The following MAP4K3 variants were observed in gnomAD, a reference collection of about 807,000 sequenced individuals.
The protein encoded by MAP4K3 is MAPK/ERK kinase kinase kinase 3.
A neutral mutation model predicts 143.5 loss-of-function variants in MAP4K3; 94 were observed. The ratio of observed to expected loss-of-function variants is 0.65; its 90% CI spans 0.55 to 0.78. The LOEUF is 0.78. Among genes scored for constraint, MAP4K3 ranks in the 30% least tolerant of loss-of-function variants. The pLI is 0.00. For synonymous variants in MAP4K3, 416 were observed against 347.2 expected, an observed-to-expected ratio of 1.20 and a Z score of -2.20; for missense variants, 1,077 against 1,068.1, an observed-to-expected ratio of 1.01 and a Z score of -0.12.
At chr2:39,396,065 C>G (rs899551761) in intron 1 of MAP4K3, among the ~76,000 whole-genome samples, 2 of 152,062 alleles carry the variant, frequency 1.3e-5, no homozygotes, top group Non-Finnish European at 2.9e-5. Flanking sequence ...GAGACAAGAT[C>G]TCACTCTGTT....
chr2:39,357,055 T>TGCAGAATGGGAC (rs945344236), intron 2 of MAP4K3, among the ~76,000 whole-genome samples: 6 of 152,334 alleles, frequency 3.9e-5, no homozygotes, highest in Admixed American at 2.0e-4. Context: ...TGTGTTATAA[T>TGCAGAATGGGAC]GCAGAATGGG....
intron 31 of MAP4K3, among the ~76,000 whole-genome samples, chr2:39,256,313 A>C (rs1483503989): frequency 6.6e-6 from 1 of 152,240 alleles, no homozygotes; most frequent in Non-Finnish European, 1.5e-5. Context: ...GACAATAATG[A>C]AATGTGATAA....
At chr2:39,325,289 C>T (rs1466263157) in intron 12 of MAP4K3, among the ~76,000 whole-genome samples, 2 of 152,096 alleles carry the variant, frequency 1.3e-5, no homozygotes, top group African/African-American at 2.4e-5. Flanking sequence ...AAATGATATG[C>T]CTTTGCCATT....
At chr2:39,407,652 G>A (rs988288289) in intron 1 of MAP4K3, among the ~76,000 whole-genome samples, 1 of 152,122 alleles carries the variant, frequency 6.6e-6, no homozygotes, top group Non-Finnish European at 1.5e-5. Context: ...GATCACTGCA[G>A]CCTCAACCTC....
In MAP4K3 at chr2:39,344,554, G is replaced by A. The variant is rs146786376; in HGVS notation, c.246-1102C>T. Among the ~76,000 whole-genome samples, 126 of 152,266 alleles carry A rather than the reference G, an allele frequency of 8.3e-4. No homozygotes were observed. The East Asian group carries it at 0.014, about 17-fold the overall frequency. ...CACGCTAGAACAGAAGAGCTTAGTC[G>A]TGGTGACAGAGACCATGTAGCCCAC... On this transcript the variant is annotated intron_variant, in intron 3 of 33. Coordinates refer to ENST00000263881, the MANE Select transcript of MAP4K3 (RefSeq NM_003618.4).
At chr2:39,347,119 T>G (rs1665315410) in intron 3 of MAP4K3, among the ~76,000 whole-genome samples, 1 of 152,150 alleles carries the variant, frequency 6.6e-6, no homozygotes, top group African/African-American at 2.4e-5. Flanking sequence ...ACAATGGAGT[T>G]TTCCAGAGAC....
chr2:39,359,651 A>T (rs578236553), intron 2 of MAP4K3, among the ~76,000 whole-genome samples: 12 of 152,380 alleles, frequency 7.9e-5, no homozygotes, highest in African/African-American at 2.9e-4. Context: ...CTGGACATCC[A>T]GGTATTTCCA....
chr2:39,435,786 A>G (rs1385495305), intron 1 of MAP4K3, among the ~76,000 whole-genome samples: 4 of 152,222 alleles, frequency 2.6e-5, no homozygotes, highest in Non-Finnish European at 5.9e-5. Flanking sequence ...TATATTGCAT[A>G]GTAGGAAAAG....
Position 39,381,007 on chromosome 2 carries a change from T to C in MAP4K3, c.97-2884A>G, listed in dbSNP as rs112037545. On this transcript the variant is annotated intron_variant, in intron 1 of 33. Transcript: ENST00000263881. ...ACTCTCAATCCCTGGCAACCACTAA[T>C]CTACTTTCCATCTCTATGGATTTGA... Among the ~76,000 whole-genome samples the C allele has an allele frequency of 1.2e-3, 185 of 152,316 alleles. 2 individuals carry two copies. The highest frequency in any genetic ancestry group is 4.3e-3 in the African/African-American group (179 of 41,574).
Position 39,260,794 on chromosome 2 carries a change from A to G in MAP4K3, c.2137-17T>C. 1 of 1,562,252 alleles carries G rather than the reference A, an allele frequency of 6.4e-7. No individual in the cohort carries two copies. The highest frequency in any genetic ancestry group is 8.8e-7 in the Non-Finnish European group (1 of 1,139,028). ...ATCTATGTGCTAGAGAAAGAAACAA[A>G]AATACATTAAACCAAGGAAAATAAA... is the stretch of plus-strand genomic sequence containing the variant. On this transcript the variant is annotated splice_polypyrimidine_tract_variant and intron_variant, in intron 28 of 33. Transcript: ENST00000263881.
intron 1 of MAP4K3, among the ~76,000 whole-genome samples, chr2:39,389,619 G>A (rs1666599045): frequency 6.6e-6 from 1 of 152,164 alleles, no homozygotes; most frequent in South Asian, 2.1e-4. Flanking sequence ...CAGAAAGACT[G>A]TAGAAAATGC....
chr2:39,303,105 T>C (rs769722787), intron 15 of MAP4K3: 1 of 167,054 alleles, frequency 6.0e-6, no homozygotes, highest in African/African-American at 2.4e-5. Flanking sequence ...GTCAATAGAA[T>C]TGATACAGTT....
At position 39,278,392 on chromosome 2, in the gene MAP4K3, T is replaced by C. The variant is rs1219169271; in HGVS notation, c.1794+15A>G. 7.4e-6 allele frequency: 11 copies of C among 1,480,262 alleles called. No individual in the cohort carries two copies. Among genetic ancestry groups the C allele is most frequent in the Middle Eastern group, 1.8e-4 (1 of 5,556 alleles). The allele number at this position is 1,480,262 out of a possible 1,614,324, so 91.7% of individuals were successfully genotyped here. A position where few individuals can be genotyped will look rare whatever the true frequency, so the allele number is the denominator to read the frequency against. ...TTAAAAATTAAAAAAAAAAAGAATATACAAAATAACATACCTGTTCCATTG... is the reference window on the plus strand; with the variant it reads ...TTAAAAATTAAAAAAAAAAAGAATACACAAAATAACATACCTGTTCCATTG... On this transcript the variant is annotated intron_variant, in intron 24 of 33. Coordinates refer to ENST00000263881, the MANE Select transcript of MAP4K3 (RefSeq NM_003618.4).
chr2:39,326,898 G>T (rs1030770547), intron 8 of MAP4K3, among the ~76,000 whole-genome samples: 17 of 152,182 alleles, frequency 1.1e-4, no homozygotes, highest in African/African-American at 2.4e-4. Flanking sequence ...CTCCATGATT[G>T]TAAGTTTTCT....
intron 1 of MAP4K3, among the ~76,000 whole-genome samples, chr2:39,384,256 G>A (rs1221078701): frequency 6.6e-6 from 1 of 152,088 alleles, no homozygotes; most frequent in African/African-American, 2.4e-5. Context: ...GCCGGGCATG[G>A]TGGCTCAAGC....
Position 39,325,901 on chromosome 2 carries a change from T to C in MAP4K3, c.723A>G (p.Lys241=). 1.9e-6 allele frequency: 3 copies of C among 1,580,674 alleles called. No individual in the cohort carries two copies. The highest frequency in any genetic ancestry group is 1.7e-6 in the Non-Finnish European group (2 of 1,155,670). The change falls in exon 10 of 34, where the codon AAA becomes AAG. Residue 241 remains lysine (K), a splice_region_variant and synonymous_variant. Coordinates refer to ENST00000263881, the MANE Select transcript of MAP4K3 (RefSeq NM_003618.4). Reference sequence around the variant, plus strand: ...GTAAATAACATAAAAATACTTACCATTTCATTTTATCCTTTAGTTTAGGAG... The same window carrying C: ...GTAAATAACATAAAAATACTTACCACTTCATTTTATCCTTTAGTTTAGGAG... ...FQPPKLKDKM[K]WSNSFHHFVK... is the part of the protein sequence containing the mutation.
chr2:39,287,296 CTCT>C (rs1254382076), intron 20 of MAP4K3, among the ~76,000 whole-genome samples: 4 of 7,704 alleles, frequency 5.2e-4, no homozygotes, highest in East Asian at 0.01. Context: ...ACTTTAGTTG[CTCT>C]TTTTTTTTTT....
chr2:39,292,122 T>C (rs940925066), intron 18 of MAP4K3, among the ~76,000 whole-genome samples: 1 of 152,170 alleles, frequency 6.6e-6, no homozygotes, highest in African/African-American at 2.4e-5. Context: ...CCAAAGTATT[T>C]GTTCACTTGA....
At chr2:39,428,236 T>C (rs1665159165) in intron 1 of MAP4K3, among the ~76,000 whole-genome samples, 1 of 152,358 alleles carries the variant, frequency 6.6e-6, no homozygotes, top group Middle Eastern at 3.4e-3. Flanking sequence ...CTAAACAACC[T>C]AGCAGTGTTA....
Sources: allele counts gnomAD v4.1 joint callset (sites outside exome capture counted in the v4.1 genomes callset), GRCh38; gene constraint gnomAD v4.1.1; transcripts MANE v1.5; gene names NCBI Gene and HGNC (gene_info 2026-07-23, HGNC 2026-07-21).